TMEM68: variants seen among roughly 807,000 people sequenced by gnomAD.
TMEM68 encodes the protein transmembrane protein 68.
In TMEM68, 25 loss-of-function variants were observed where a neutral mutation model predicts 36.9. The ratio of observed to expected loss-of-function variants is 0.68; its 90% CI spans 0.49 to 0.95. The LOEUF (loss-of-function observed/expected upper bound fraction) is 0.95. Ranked by LOEUF, TMEM68 falls within the 40% of genes least tolerant of loss-of-function variation. The pLI, the probability that TMEM68 is intolerant of heterozygous loss-of-function variation, is 0.00. For missense variants in TMEM68, 333 were observed against 392.0 expected (o/e 0.85, Z 1.27); for synonymous variants, 131 against 124.4 (o/e 1.05, Z -0.35).
At chr8:55,753,693 G>C (rs1810485638) in intron 4 of TMEM68, among the ~76,000 whole-genome samples, 1 of 152,158 alleles carries the variant, frequency 6.6e-6, no homozygotes, top group Non-Finnish European at 1.5e-5. Context: ...CTTGTTTCTG[G>C]TGATTCAGTG....
chr8:55,738,783 T>C lies in TMEM68; in HGVS notation c.*1349A>G, dbSNP rs77494094. 0.052 allele frequency: 8,012 copies of C among 152,636 alleles called. 222 individuals are homozygous for C. The highest frequency in any genetic ancestry group is 0.083 in the East Asian group (433 of 5,196). The allele number at this position is 152,636 out of a possible 1,614,324, so 9.5% of individuals were successfully genotyped here. Reference sequence around the variant, plus strand: ...TTTATTTTCACATTGTTTAATTTTATGTACATTTCACATATCATAAATACA... The same window carrying C: ...TTTATTTTCACATTGTTTAATTTTACGTACATTTCACATATCATAAATACA... On this transcript the variant is annotated 3_prime_UTR_variant, in exon 8 of 8. Coordinates refer to ENST00000434581, the MANE Select transcript of TMEM68 (RefSeq NM_001286657.2).
At chr8:55,759,777 T>C (rs1810726993) in intron 3 of TMEM68, among the ~76,000 whole-genome samples, 1 of 152,196 alleles carries the variant, frequency 6.6e-6, no homozygotes, top group African/African-American at 2.4e-5. Context: ...TTCCTCATTC[T>C]ATTCATGAAA....
chr8:55,758,976 A>G (rs1810691040), intron 3 of TMEM68, among the ~76,000 whole-genome samples: 1 of 152,242 alleles, frequency 6.6e-6, no homozygotes, highest in Non-Finnish European at 1.5e-5. Flanking sequence ...TAACATAACA[A>G]TGTTAATTTT....
At chr8:55,755,518 C>G (rs1023470533) in intron 4 of TMEM68, among the ~76,000 whole-genome samples, 1 of 151,858 alleles carries the variant, frequency 6.6e-6, no homozygotes, top group Admixed American at 6.6e-5. Context: ...GTGATTTGCC[C>G]ACCTCGTCCT....
intron 7 of TMEM68, among the ~76,000 whole-genome samples, chr8:55,741,608 G>C (rs1810104850): frequency 6.6e-6 from 1 of 152,168 alleles, no homozygotes; most frequent in Non-Finnish European, 1.5e-5. Context: ...AGCCCACTGG[G>C]TAGGCAGTGA....
At position 55,773,376 on chromosome 8, in the gene TMEM68, G is replaced by C. The variant is rs1296638943; in HGVS notation, c.-222C>G. ...CCCGTGTGAAAGAAGCCAAGCGGCG[G>C]CTGCAGCCCGGGCCGCGATGGGGGT... On this transcript the variant is annotated 5_prime_UTR_variant, in exon 1 of 8. Coordinates refer to ENST00000434581, the MANE Select transcript of TMEM68 (RefSeq NM_001286657.2). 7.2e-6 allele frequency: 3 copies of C among 415,506 alleles called. No homozygotes were observed. Among genetic ancestry groups the C allele is most frequent in the Non-Finnish European group, 1.3e-5 (3 of 232,756 alleles). The allele number at this position is 415,506 out of a possible 1,614,324, so 25.7% of individuals were successfully genotyped here.
intron 3 of TMEM68, among the ~76,000 whole-genome samples, chr8:55,759,240 T>C (rs1044236942): frequency 1.2e-4 from 14 of 118,142 alleles, no homozygotes; most frequent in African/African-American, 3.7e-4. Context: ...GGCAAATCAG[T>C]GAAATCCCTG....
chr8:55,747,950 G>C (rs1257154994), intron 5 of TMEM68: 1 of 152,132 alleles, frequency 6.6e-6, no homozygotes, highest in African/African-American at 2.4e-5. Flanking sequence ...ATTGATGTAT[G>C]CATTTAAAGA....
intron 1 of TMEM68, among the ~76,000 whole-genome samples, chr8:55,771,127 C>A (rs1811142883): frequency 6.7e-6 from 1 of 149,756 alleles, no homozygotes; most frequent in African/African-American, 2.5e-5. Flanking sequence ...GCACTCCAGC[C>A]TAGGCAACAA....
intron 1 of TMEM68, among the ~76,000 whole-genome samples, chr8:55,764,873 G>A (rs1442418262): frequency 6.6e-6 from 1 of 152,138 alleles, no homozygotes; most frequent in Admixed American, 6.6e-5. Context: ...GGGGGTTTGA[G>A]ACCAGCCTGA....
At chr8:55,754,944 TACACACACACACACAC>T (rs71256561) in intron 4 of TMEM68, among the ~76,000 whole-genome samples, 7 of 134,900 alleles carry the variant, frequency 5.2e-5, no homozygotes, top group Non-Finnish European at 7.7e-5. Flanking sequence ...TATATATTTA[TACACACACACACACAC>T]ACACACACAC....
At chr8:55,743,270 G>A (rs1015562520) in intron 7 of TMEM68, among the ~76,000 whole-genome samples, 13 of 152,044 alleles carry the variant, frequency 8.6e-5, no homozygotes, top group African/African-American at 3.1e-4. Flanking sequence ...CTAAATGTCT[G>A]TAGCACTCCC....
At chr8:55,755,021 G>A (rs1810560530) in intron 4 of TMEM68, among the ~76,000 whole-genome samples, 3 of 147,960 alleles carry the variant, frequency 2.0e-5, no homozygotes, top group African/African-American at 7.5e-5. Context: ...CTTCACGGCT[G>A]GGTGCAGTGG....
At position 55,754,944 on chromosome 8, in the gene TMEM68, TACACAC is replaced by T. The variant is rs71256561; in HGVS notation, c.493+1294_493+1299del. On this transcript the variant is annotated intron_variant, in intron 4 of 7. Coordinates refer to ENST00000434581, the MANE Select transcript of TMEM68 (RefSeq NM_001286657.2). The stretch of plus-strand genomic sequence containing the variant: ...ATTTATATATATTTATATATATTTA[TACACAC>T]ACACACACACACACACACACACACA... Among the ~76,000 whole-genome samples, 488 of 134,888 alleles carry T rather than the reference TACACAC, an allele frequency of 3.6e-3. 11 individuals are homozygous for T. The highest frequency in any genetic ancestry group is 0.012 in the African/African-American group (429 of 35,640). The allele number at this position is 134,888 out of a possible 152,430, so 88.5% of individuals were successfully genotyped here.
chr8:55,751,923 G>A (rs1563430433), intron 4 of TMEM68, among the ~76,000 whole-genome samples: 1 of 152,094 alleles, frequency 6.6e-6, no homozygotes, highest in African/African-American at 2.4e-5. Flanking sequence ...AAACTACGCA[G>A]ACTGGTCAGG....
chr8:55,766,849 G>C (rs886872921), intron 1 of TMEM68, among the ~76,000 whole-genome samples: 16 of 152,192 alleles, frequency 1.1e-4, no homozygotes, highest in African/African-American at 9.6e-5. Flanking sequence ...ACATGTGGCA[G>C]AGGGAAGGCA....
At chr8:55,768,289 G>C (rs1563440905) in intron 1 of TMEM68, among the ~76,000 whole-genome samples, 1 of 152,150 alleles carries the variant, frequency 6.6e-6, no homozygotes, top group Non-Finnish European at 1.5e-5. Flanking sequence ...TACCCTTGAA[G>C]TTCAAGAATG....
intron 7 of TMEM68, among the ~76,000 whole-genome samples, chr8:55,741,514 T>C (rs1810102048): frequency 6.6e-6 from 1 of 152,206 alleles, no homozygotes; most frequent in Non-Finnish European, 1.5e-5. Context: ...AAGAATCAAG[T>C]ACAAAGTAAC....
chr8:55,756,200 G>C, intron 4 of TMEM68, 44 bp downstream of exon 4: 1 of 1,547,846 alleles, frequency 6.5e-7, no homozygotes, highest in Non-Finnish European at 8.7e-7. Context: ...ACTTGGTTTT[G>C]TTAATAAAAC....
Sources: gnomAD v4.1 joint callset for allele counts (sites outside exome capture counted in the v4.1 genomes callset) on GRCh38, gnomAD v4.1.1 for gene constraint, MANE v1.5 for transcripts, NCBI Gene and HGNC (gene_info 2026-07-23, HGNC 2026-07-21) for gene names.